The following ITPR2 variants were observed in gnomAD, a reference collection of about 807,000 sequenced individuals.
ITPR2 encodes inositol 1,4,5-trisphosphate-gated calcium channel ITPR2.
A neutral mutation model predicts 317.1 loss-of-function variants in ITPR2; 207 were observed. The ratio of observed to expected loss-of-function variants is 0.65; its 90% CI spans 0.58 to 0.73. ITPR2 has a LOEUF of 0.73. Ranked by LOEUF, ITPR2 falls within the 30% of genes least tolerant of loss-of-function variation. The pLI is 0.00. For missense variants in ITPR2, 2,613 were observed against 3,284.0 expected (o/e 0.80, Z 4.99); for synonymous variants, 1,156 against 1,149.1 (o/e 1.01, Z -0.12).
chr12:26,341,465 A>C (rs1938110681), intron 55 of ITPR2, among the ~76,000 whole-genome samples: 1 of 152,192 alleles, frequency 6.6e-6, no homozygotes, highest in African/African-American at 2.4e-5. Flanking sequence ...GTGTATCTCT[A>C]GACTGCAGGC....
At chr12:26,441,175 A>T (rs10842731) in intron 46 of ITPR2, among the ~76,000 whole-genome samples, 127,307 of 152,050 alleles carry the variant, frequency 0.84, 54,220 homozygotes, top group Non-Finnish European at 0.91. Context: ...TAATTACTAG[A>T]CATTCAAAAT....
chr12:26,350,413 A>C (rs961782518), intron 55 of ITPR2, among the ~76,000 whole-genome samples: 1 of 152,060 alleles, frequency 6.6e-6, no homozygotes, highest in African/African-American at 2.4e-5. Context: ...GAGGCACTGT[A>C]TGTACTAGCC....
chr12:26,740,305 G>A (rs1949208159), intron 2 of ITPR2, among the ~76,000 whole-genome samples: 1 of 152,110 alleles, frequency 6.6e-6, no homozygotes, highest in Non-Finnish European at 1.5e-5. Context: ...TGAGATGAAT[G>A]GCCACATTGG....
chr12:26,522,601 ATGGAATAATACCTAC>A (rs2136941948), intron 37 of ITPR2, among the ~76,000 whole-genome samples: 1 of 152,330 alleles, frequency 6.6e-6, no homozygotes, highest in Non-Finnish European at 1.5e-5. Context: ...CTTTGGTTAA[ATGGAATAATACCTAC>A]TGCAGATAGT....
chr12:26,549,173 GT>G (rs1944462150), intron 37 of ITPR2, among the ~76,000 whole-genome samples: 1 of 152,224 alleles, frequency 6.6e-6, no homozygotes, highest in Non-Finnish European at 1.5e-5. Flanking sequence ...ATGAAAGCAC[GT>G]TTTTGAGTCC....
At chr12:26,802,602 GAT>G (rs1205354717) in intron 1 of ITPR2, among the ~76,000 whole-genome samples, 8 of 10,048 alleles carry the variant, frequency 8.0e-4, no homozygotes, top group Middle Eastern at 0.02. Flanking sequence ...TATAGATATA[GAT>G]ATAGATATAT....
chr12:26,536,133 G>C lies in ITPR2; in HGVS notation c.5073+14114C>G, dbSNP rs552895513. ...TTTTTGTACAAGAACTTTGAGCCAA[G>C]ATTTCTGGCTTCATTTGGAAAGAGG... On this transcript the variant is annotated intron_variant, in intron 37 of 56. Transcript: ENST00000381340. 3.5e-4 allele frequency among the ~76,000 whole-genome samples: 54 copies of C among 152,290 alleles called. 1 individual carries two copies. The highest frequency in any genetic ancestry group is 6.8e-3 in the Middle Eastern group (2 of 294).
intron 32 of ITPR2, among the ~76,000 whole-genome samples, chr12:26,581,180 T>A (rs928572079): frequency 2.0e-5 from 3 of 152,208 alleles, no homozygotes; most frequent in African/African-American, 7.2e-5. Context: ...TGTCACTTAA[T>A]CTGATATTGT....
chr12:26,686,550 C>T lies in ITPR2; in HGVS notation c.1079G>A (p.Gly360Asp). The change falls in exon 11 of 57, where the codon GGC becomes GAC. Residue 360 changes from glycine (G) to aspartate (D), a missense_variant. Around this residue, in one of 9 missense-constraint regions of ITPR2, gnomAD observed 515 missense variants for 789.4 expected, o/e 0.65. Transcript: ENST00000381340. The part of the protein sequence containing the change: ...IMYTLVSVPH[G>D]NDIASLFELD... Reference sequence around the variant, plus strand: ...TTCAAAAAGGGATGCAATGTCATTGCCATGCGGGACTGAAACCAAAGTATA... The same window carrying T: ...TTCAAAAAGGGATGCAATGTCATTGTCATGCGGGACTGAAACCAAAGTATA... The T allele has an allele frequency of 6.2e-7, 1 of 1,611,950 alleles. No homozygotes were observed. The highest frequency in any genetic ancestry group is 8.5e-7 in the Non-Finnish European group (1 of 1,178,756).
chr12:26,613,912 A>C (rs1946323479), intron 26 of ITPR2, among the ~76,000 whole-genome samples: 1 of 152,194 alleles, frequency 6.6e-6, no homozygotes, highest in Non-Finnish European at 1.5e-5. Context: ...GTAGTGTCCC[A>C]CAGTGCTTCA....
At chr12:26,757,257 C>T (rs576268439) in intron 2 of ITPR2, among the ~76,000 whole-genome samples, 105 of 151,630 alleles carry the variant, frequency 6.9e-4, no homozygotes, top group African/African-American at 2.5e-3. Flanking sequence ...ACTCTGTCAC[C>T]TAGGCTAGAG....
At chr12:26,695,468 T>C in intron 10 of ITPR2, 138 bp downstream of exon 10, 1 of 667,012 alleles carries the variant, frequency 1.5e-6, no homozygotes, top group African/African-American at 1.8e-5. Context: ...TATCATCTTT[T>C]ACCTGTGAAC....
At chr12:26,759,616 G>A (rs966729667) in intron 2 of ITPR2, among the ~76,000 whole-genome samples, 9 of 152,194 alleles carry the variant, frequency 5.9e-5, no homozygotes, top group African/African-American at 2.2e-4. Flanking sequence ...AAGGCAAAGT[G>A]ACAAGAATTA....
chr12:26,701,051 G>T (rs1304783375), intron 9 of ITPR2, among the ~76,000 whole-genome samples: 2 of 152,218 alleles, frequency 1.3e-5, no homozygotes, highest in African/African-American at 4.8e-5. Context: ...GAGTAACAGA[G>T]AGAGAATACA....
chr12:26,707,464 A>C lies in ITPR2; in HGVS notation c.951+3709T>G, dbSNP rs142157382. On this transcript the variant is annotated intron_variant, in intron 9 of 56. Coordinates refer to ENST00000381340, the MANE Select transcript of ITPR2 (RefSeq NM_002223.4). Reference sequence around the variant, plus strand: ...TAATTCTAGGAGGTTGTCACTCAAAATATAGAGAACCCCCGTCCTACTTGA... The same window carrying C: ...TAATTCTAGGAGGTTGTCACTCAAACTATAGAGAACCCCCGTCCTACTTGA... Among the ~76,000 whole-genome samples the C allele has an allele frequency of 1.7e-3, 261 of 152,342 alleles. 2 individuals are homozygous for C. Among genetic ancestry groups the C allele is most frequent in the African/African-American group, 5.4e-3 (226 of 41,582 alleles).
intron 1 of ITPR2, among the ~76,000 whole-genome samples, chr12:26,800,538 G>A (rs1950538756): frequency 1.3e-5 from 2 of 152,266 alleles, no homozygotes; most frequent in South Asian, 4.1e-4. Flanking sequence ...TGAGGCAGGG[G>A]GATTTCTTGA....
Position 26,790,136 on chromosome 12 carries a change from A to G in ITPR2, c.163+21T>C, listed in dbSNP as rs775871235. The G allele has an allele frequency of 7.0e-6, 11 of 1,560,492 alleles. No homozygotes were observed. In the East Asian group the frequency reaches 2.5e-4, roughly 35 times the overall value. ...CCTCCCTCTTAGCTCACACAATTAA[A>G]AAAATATATGTATTTCTTACCTCTG... is the stretch of plus-strand genomic sequence containing the variant. On this transcript the variant is annotated intron_variant, in intron 2 of 56. Transcript: ENST00000381340.
At chr12:26,759,722 A>T (rs1430712949) in intron 2 of ITPR2, among the ~76,000 whole-genome samples, 1 of 152,224 alleles carries the variant, frequency 6.6e-6, no homozygotes, top group Non-Finnish European at 1.5e-5. Context: ...GCCCGACAAC[A>T]AGGGCTCCTT....
At chr12:26,464,938 T>C (rs1942132256) in intron 45 of ITPR2, among the ~76,000 whole-genome samples, 1 of 152,146 alleles carries the variant, frequency 6.6e-6, no homozygotes, top group African/African-American at 2.4e-5. Context: ...TAATGTTAAG[T>C]GTGAGATGCC....
Sources: gnomAD v4.1 joint callset for allele counts (sites outside exome capture counted in the v4.1 genomes callset) on GRCh38, gnomAD v4.1.1 for gene constraint, gnomAD v4.1.1 regional missense constraint, MANE v1.5 for transcripts, NCBI Gene and HGNC (gene_info 2026-07-23, HGNC 2026-07-21) for gene names.